Variants in KCNN2 observed in about 807,000 individuals in gnomAD.
The protein encoded by KCNN2 is small conductance calcium-activated potassium channel protein 2.
In KCNN2, 24 loss-of-function variants were observed where a neutral mutation model predicts 55.5. The ratio of observed to expected loss-of-function variants is 0.43; its 90% CI spans 0.31 to 0.61. KCNN2 has a LOEUF of 0.61. Among genes scored for constraint, KCNN2 ranks in the 20% least tolerant of loss-of-function variants. The pLI, the probability that KCNN2 is intolerant of heterozygous loss-of-function variation, is 0.08. For missense variants in KCNN2, 754 were observed against 853.6 expected (o/e 0.88, Z 1.45); for synonymous variants, 431 against 336.1 (o/e 1.28, Z -3.09).
intron 2 of KCNN2, among the ~76,000 whole-genome samples, chr5:114,235,615 CTA>C (rs1754475289): frequency 6.6e-6 from 1 of 152,110 alleles, no homozygotes; most frequent in African/African-American, 2.4e-5. Context: ...TGTGCTTTTG[CTA>C]TGTTTCTGGG....
chr5:114,235,504 C>G (rs1342640280), intron 2 of KCNN2, among the ~76,000 whole-genome samples: 1 of 152,078 alleles, frequency 6.6e-6, no homozygotes, highest in Non-Finnish European at 1.5e-5. Context: ...AATGGAAAGC[C>G]TACTGTATAG....
chr5:114,264,909 A>T (rs978702112), intron 2 of KCNN2, among the ~76,000 whole-genome samples: 1 of 152,248 alleles, frequency 6.6e-6, no homozygotes, highest in Admixed American at 6.5e-5. Context: ...ATATAAGCAT[A>T]GAAGGTAAAT....
upstream of KCNN2, among the ~76,000 whole-genome samples, chr5:114,357,074 A>C (rs536238991): frequency 6.6e-6 from 1 of 152,198 alleles, no homozygotes; most frequent in East Asian, 1.9e-4. Context: ...TGTAGGTCAA[A>C]ATTTTCCTTC....
At chr5:114,124,892 A>G (rs1299374137) in intron 1 of KCNN2, among the ~76,000 whole-genome samples, 2 of 152,120 alleles carry the variant, frequency 1.3e-5, no homozygotes, top group East Asian at 3.9e-4. Flanking sequence ...CTATTATCAC[A>G]TCTATCGTTA....
In KCNN2 at chr5:114,141,661, T is replaced by G. The variant is rs1752283862; in HGVS notation, c.-270-79819T>G. Among the ~76,000 whole-genome samples the G allele has an allele frequency of 2.0e-5, 3 of 152,210 alleles. No homozygotes were observed. In the South Asian group the frequency reaches 6.2e-4, roughly 32 times the overall value. ...GGTATATACCCAGTAATGGGATGGC[T>G]GGGTCAAATGGTATTTGAGTTCTAG... On this transcript the variant is annotated intron_variant, in intron 1 of 10. Coordinates refer to the KCNN2 transcript ENST00000512097.
rs184387384 is a variant in KCNN2, at chr5:114,335,806, G to T, written c.-184-25139G>T. 2.8e-3 allele frequency among the ~76,000 whole-genome samples: 423 copies of T among 152,238 alleles called. 1 individual carries two copies. The highest frequency in any genetic ancestry group is 9.9e-3 in the African/African-American group (410 of 41,546). ...AGAGTGGTTAGAAATATGGGAAGAGGTTCAGAATCACACGGAGCCCTAAGA... is the reference window on the plus strand; with the variant it reads ...AGAGTGGTTAGAAATATGGGAAGAGTTTCAGAATCACACGGAGCCCTAAGA... On this transcript the variant is annotated intron_variant, in intron 2 of 10. Coordinates refer to the KCNN2 transcript ENST00000512097.
Position 114,308,581 on chromosome 5 carries a change from A to G in KCNN2, c.-184-52364A>G, listed in dbSNP as rs181539894. Among the ~76,000 whole-genome samples the G allele has an allele frequency of 1.9e-3, 295 of 152,306 alleles. 1 individual carries two copies. The highest frequency in any genetic ancestry group is 6.4e-3 in the African/African-American group (268 of 41,574). On this transcript the variant is annotated intron_variant, in intron 2 of 10. Coordinates refer to the KCNN2 transcript ENST00000512097. ...CTCAGTATCAGAGAACCACTAGAAC[A>G]GGAAGCAATAGCACACAGTTCAGGT...
intron 2 of KCNN2, among the ~76,000 whole-genome samples, chr5:114,385,199 C>T (rs1366692485): frequency 6.6e-6 from 1 of 151,814 alleles, no homozygotes; most frequent in East Asian, 1.9e-4. Context: ...CATTTCCTTC[C>T]ATCTTCCTCT....
At chr5:114,313,118 C>A (rs916695657) in intron 2 of KCNN2, among the ~76,000 whole-genome samples, 3 of 152,094 alleles carry the variant, frequency 2.0e-5, no homozygotes, top group Non-Finnish European at 4.4e-5. Context: ...CTGTACTGTA[C>A]ATTTAGCTTC....
At chr5:114,215,064 T>G (rs1053527724) in intron 1 of KCNN2, among the ~76,000 whole-genome samples, 2 of 152,104 alleles carry the variant, frequency 1.3e-5, no homozygotes, top group Non-Finnish European at 2.9e-5. Flanking sequence ...AGTGTACTGA[T>G]TTGGTGACAA....
intron 2 of KCNN2, among the ~76,000 whole-genome samples, chr5:114,282,587 A>G (rs1037973610): frequency 6.6e-6 from 1 of 152,054 alleles, no homozygotes; most frequent in Admixed American, 6.6e-5. Context: ...ACTTCGTGAG[A>G]TTTATGTGCA....
chr5:114,189,048 A>G (rs1202616044), intron 1 of KCNN2, among the ~76,000 whole-genome samples: 2 of 152,134 alleles, frequency 1.3e-5, no homozygotes, highest in Non-Finnish European at 2.9e-5. Flanking sequence ...ACAAAGTTGA[A>G]TCTTTGGGAC....
intron 1 of KCNN2, among the ~76,000 whole-genome samples, chr5:114,137,208 A>G (rs1350070336): frequency 6.6e-6 from 1 of 152,136 alleles, no homozygotes; most frequent in Non-Finnish European, 1.5e-5. Flanking sequence ...CCTTGTTTTA[A>G]TTTGCATATT....
intron 3 of KCNN2, among the ~76,000 whole-genome samples, chr5:114,455,743 T>C (rs1760895560): frequency 1.3e-5 from 2 of 152,178 alleles, no homozygotes; most frequent in Admixed American, 6.5e-5. Context: ...AACACATGAA[T>C]AATAGGAAAC....
Position 114,319,358 on chromosome 5 carries a change from A to G in KCNN2, c.-184-41587A>G, listed in dbSNP as rs562570207. Among the ~76,000 whole-genome samples, 4 of 152,304 alleles carry G rather than the reference A, an allele frequency of 2.6e-5. No homozygotes were observed. The South Asian group carries it at 8.3e-4, about 32-fold the overall frequency. On this transcript the variant is annotated intron_variant, in intron 2 of 10. Coordinates refer to the KCNN2 transcript ENST00000512097. ...TATGAAGACAGAGAAAGCAGAAGCTACACAGGTATATCTCCGTGCAGTTCA... is the reference window on the plus strand; with the variant it reads ...TATGAAGACAGAGAAAGCAGAAGCTGCACAGGTATATCTCCGTGCAGTTCA...
chr5:114,402,684 C>T (rs1758822445), intron 2 of KCNN2, among the ~76,000 whole-genome samples: 1 of 152,124 alleles, frequency 6.6e-6, no homozygotes, highest in South Asian at 2.1e-4. Flanking sequence ...ACAATGGCGG[C>T]CCTCGAGGAA....
intron 1 of KCNN2, among the ~76,000 whole-genome samples, chr5:114,143,785 A>G (rs990370479): frequency 1.3e-5 from 2 of 152,150 alleles, no homozygotes; most frequent in East Asian, 1.9e-4. Flanking sequence ...GGAACATTTC[A>G]TCTTTTATTC....
At chr5:114,206,026 A>G (rs1428478258) in intron 1 of KCNN2, among the ~76,000 whole-genome samples, 1 of 152,200 alleles carries the variant, frequency 6.6e-6, no homozygotes, top group African/African-American at 2.4e-5. Context: ...TCAAGTCCAA[A>G]GTTCATAAAA....
chr5:114,478,334 CA>C (rs1226337815), intron 5 of KCNN2, among the ~76,000 whole-genome samples: 3 of 151,786 alleles, frequency 2.0e-5, no homozygotes, highest in Admixed American at 1.3e-4. Flanking sequence ...TTGAACAAAG[CA>C]AAGTTTTAAT....
Sources: gnomAD v4.1 joint callset for allele counts (sites outside exome capture counted in the v4.1 genomes callset) on GRCh38, gnomAD v4.1.1 for gene constraint, MANE v1.5 for transcripts, NCBI Gene and HGNC (gene_info 2026-07-23, HGNC 2026-07-21) for gene names.